ANOS1: variants seen among roughly 807,000 people sequenced by gnomAD.
The protein encoded by ANOS1 is anosmin-1.
Under a neutral mutation model 59.0 loss-of-function variants are expected in ANOS1, and 6 were observed. That is an observed-to-expected ratio of 0.10 (90% confidence interval 0.06 to 0.20). ANOS1 has a LOEUF of 0.20. Ranked by LOEUF, ANOS1 falls within the 10% of genes least tolerant of loss-of-function variation. The pLI is 1.00. For missense variants in ANOS1, 433 were observed against 542.3 expected (o/e 0.80, Z 2.00); for synonymous variants, 217 against 223.4 (o/e 0.97, Z 0.25).
At chrX:8,590,923 G>T (rs1036725605) in intron 4 of ANOS1, among the ~76,000 whole-genome samples, 1 of 111,526 alleles carries the variant, frequency 9.0e-6, no homozygotes, top group Non-Finnish European at 1.9e-5. Flanking sequence ...TTCCAGCATG[G>T]TCTTATTACT....
chrX:8,561,697 T>C (rs758124426), intron 8 of ANOS1, among the ~76,000 whole-genome samples: 5 of 109,176 alleles, frequency 4.6e-5, no homozygotes, highest in African/African-American at 1.3e-4. Flanking sequence ...TCCTCCCACC[T>C]TGACCTCCCA....
At chrX:8,544,903 C>T (rs2146791698) in intron 9 of ANOS1, among the ~76,000 whole-genome samples, 1 of 107,859 alleles carries the variant, frequency 9.3e-6, no homozygotes, top group East Asian at 2.9e-4. Context: ...CCCGTCTCTA[C>T]TAAAAATACA....
chrX:8,676,070 A>T (rs1490088189), intron 2 of ANOS1, among the ~76,000 whole-genome samples: 1 of 111,018 alleles, frequency 9.0e-6, no homozygotes, highest in African/African-American at 3.3e-5. Context: ...GTATTCTATG[A>T]TATACATGTA....
chrX:8,711,947 G>C (rs1007363320), intron 1 of ANOS1, among the ~76,000 whole-genome samples: 2 of 112,698 alleles, frequency 1.8e-5, no homozygotes, highest in African/African-American at 6.4e-5. Context: ...CCCCACTTGG[G>C]AGAACATGAA....
At chrX:8,661,544 C>T (rs894634114) in intron 2 of ANOS1, among the ~76,000 whole-genome samples, 1 of 112,316 alleles carries the variant, frequency 8.9e-6, no homozygotes, top group Non-Finnish European at 1.9e-5. Context: ...GTTAGGACTT[C>T]AACATCTGAA....
intron 8 of ANOS1, 103 bp from the exon 9 acceptor site, chrX:8,554,201 G>A: frequency 1.6e-6 from 1 of 616,714 alleles, no homozygotes; most frequent in South Asian, 2.4e-5. Context: ...CTTCCAGCGA[G>A]AACAACACAG....
chrX:8,659,083 C>T (rs1931981571), intron 2 of ANOS1, among the ~76,000 whole-genome samples: 1 of 110,566 alleles, frequency 9.0e-6, no homozygotes, highest in South Asian at 3.9e-4. Flanking sequence ...AAAAATTATC[C>T]GGGTGTGGTG....
At chrX:8,589,667 G>A (rs1446541902) in intron 4 of ANOS1, among the ~76,000 whole-genome samples, 1 of 112,113 alleles carries the variant, frequency 8.9e-6, no homozygotes, top group Non-Finnish European at 1.9e-5. Flanking sequence ...TTTCAAGCTT[G>A]TATTGTAAAC....
Position 8,592,035 on chromosome X carries a change from GAAACCC to G in ANOS1, c.542-4063_542-4058del, listed in dbSNP as rs1236683414. Among the ~76,000 whole-genome samples the G allele has an allele frequency of 1.1e-4, 12 of 112,209 alleles. 1 individual carries two copies. The East Asian group carries it at 2.8e-3, about 26-fold the overall frequency. On this transcript the variant is annotated intron_variant, in intron 4 of 13. Transcript: ENST00000262648. ...ACATTCTGCTGAAATCAAAGGAACA[GAAACCC>G]AATGCTTTTTAAAAATGTTGAAAAT...
At chrX:8,668,430 T>TATATATACACAC (rs1394731479) in intron 2 of ANOS1, among the ~76,000 whole-genome samples, 4 of 80,244 alleles carry the variant, frequency 5.0e-5, no homozygotes, top group African/African-American at 1.5e-4. Context: ...TATATATATA[T>TATATATACACAC]ACACACACAT....
intron 9 of ANOS1, among the ~76,000 whole-genome samples, chrX:8,545,450 A>G (rs1929759825): frequency 9.1e-6 from 1 of 110,071 alleles, no homozygotes; most frequent in Admixed American, 9.8e-5. Flanking sequence ...GCTTAAAACA[A>G]TTGTTTATTC....
At chrX:8,599,130 T>C (rs1930795506) in intron 3 of ANOS1, among the ~76,000 whole-genome samples, 1 of 111,811 alleles carries the variant, frequency 8.9e-6, no homozygotes, top group African/African-American at 3.3e-5. Context: ...ATAAAGCAAG[T>C]ACACACGTGT....
At chrX:8,591,911 C>T (rs973147832) in intron 4 of ANOS1, among the ~76,000 whole-genome samples, 2 of 112,465 alleles carry the variant, frequency 1.8e-5, no homozygotes, top group African/African-American at 6.5e-5. Context: ...ACAAATTAGT[C>T]ATCTGAAATC....
At chrX:8,660,741 A>C (rs958369299) in intron 2 of ANOS1, among the ~76,000 whole-genome samples, 5 of 112,377 alleles carry the variant, frequency 4.4e-5, no homozygotes, top group Admixed American at 9.4e-5. Context: ...GAATGTATAG[A>C]GTATCCTGTA....
chrX:8,594,226 G>C (rs1299856276), intron 4 of ANOS1, among the ~76,000 whole-genome samples: 1 of 110,772 alleles, frequency 9.0e-6, no homozygotes, highest in African/African-American at 3.3e-5. Flanking sequence ...CAGAGACAGA[G>C]AGAGGGAGGC....
At chrX:8,543,019 C>T (rs1601947406) in intron 9 of ANOS1, among the ~76,000 whole-genome samples, 3 of 110,033 alleles carry the variant, frequency 2.7e-5, no homozygotes, top group African/African-American at 1.0e-4. Context: ...CTTCATGAAT[C>T]CCTGTCAACC....
intron 2 of ANOS1, among the ~76,000 whole-genome samples, chrX:8,669,595 T>TA (rs199519416): frequency 0.43 from 45,101 of 104,094 alleles, 7,386 homozygotes; most frequent in East Asian, 0.63. Context: ...CCAAAACTGC[T>TA]AAAAAAAAAA....
chrX:8,543,377 A>C (rs1369901708), intron 9 of ANOS1, among the ~76,000 whole-genome samples: 2 of 108,094 alleles, frequency 1.9e-5, no homozygotes, highest in Non-Finnish European at 3.8e-5. Context: ...CAGTATGGGG[A>C]CTAACAATGC....
chrX:8,585,351 A>G lies in ANOS1; in HGVS notation c.772T>C (p.Trp258Arg). 8.3e-7 allele frequency: 1 copy of G among 1,211,160 alleles called. No individual in the cohort carries two copies. The highest frequency in any genetic ancestry group is 1.7e-5 in the African/African-American group (1 of 57,799). The change falls in exon 6 of 14, where the codon TGG becomes CGG. Residue 258 changes from tryptophan to arginine, a missense_variant. Trp to Arg is a moderately radical substitution (Grantham distance 101). Coordinates refer to ENST00000262648, the MANE Select transcript of ANOS1 (RefSeq NM_000216.4). ...ACAGCAGCCACTCGAAACTGGTACC[A>G]TCGGCTGGGTCTTATGTCAGTCAGT... ...VQLTDIRPSR[W>R]YQFRVAAVNV...
Sources: allele counts gnomAD v4.1 joint callset (sites outside exome capture counted in the v4.1 genomes callset), GRCh38; gene constraint gnomAD v4.1.1; transcripts MANE v1.5; gene names NCBI Gene and HGNC (gene_info 2026-07-23, HGNC 2026-07-21).